Variants in PCDHGB3 observed in about 807,000 individuals in gnomAD.
The protein encoded by PCDHGB3 is protocadherin gamma-B3.
In PCDHGB3, 40 loss-of-function variants were observed where a neutral mutation model predicts 59.2. The observed-to-expected ratio is 0.68, with a 90% CI of 0.52 to 0.88. The LOEUF is 0.88. Among genes scored for constraint, PCDHGB3 ranks in the 40% least tolerant of loss-of-function variants. PCDHGB3 has a pLI of 0.00. For synonymous variants in PCDHGB3, 581 were observed against 503.6 expected (o/e 1.15, Z -2.06); for missense variants, 1,309 against 1,187.9 (o/e 1.10, Z -1.50).
chr5:141,478,135 C>T (rs1307702473), intron 1 of PCDHGB3: 7 of 1,613,970 alleles, frequency 4.3e-6, no homozygotes, highest in African/African-American at 1.3e-5. Flanking sequence ...CTCCTGAAGC[C>T]CGAGCCGAGT....
intron 1 of PCDHGB3, chr5:141,385,141 G>T (rs1183220869): frequency 1.9e-6 from 3 of 1,614,202 alleles, no homozygotes; most frequent in Non-Finnish European, 2.5e-6. Context: ...CGGGGTGCAG[G>T]CTTTCCTGCA....
chr5:141,388,511 C>G, intron 1 of PCDHGB3: 1 of 1,613,868 alleles, frequency 6.2e-7, no homozygotes, highest in Non-Finnish European at 8.5e-7. Context: ...AATCCTACCA[C>G]TTGACTTTGA....
At position 141,395,103 on chromosome 5, in the gene PCDHGB3, C is replaced by T. The variant is rs1462569715; in HGVS notation, c.2415+22294C>T. 9 of 1,614,156 alleles carry T rather than the reference C, an allele frequency of 5.6e-6. No homozygotes were observed. The highest frequency in any genetic ancestry group is 1.1e-5 in the South Asian group (1 of 91,074). On this transcript the variant is annotated intron_variant, in intron 1 of 3. Transcript: ENST00000576222. ...GGAAGTCTCCCTCACCGCCGACTCG[C>T]GGAAGAGTCACCTGATCTTTCCCCA... is the stretch of plus-strand genomic sequence containing the variant.
At chr5:141,460,122 G>A (rs530307574) in intron 1 of PCDHGB3, among the ~76,000 whole-genome samples, 2 of 151,928 alleles carry the variant, frequency 1.3e-5, no homozygotes, top group African/African-American at 4.8e-5. Flanking sequence ...TTTTATATAT[G>A]TAATATATAT....
At chr5:141,409,201 AATC>A (rs1377420843) in intron 1 of PCDHGB3, 1 of 1,614,044 alleles carries the variant, frequency 6.2e-7, no homozygotes, top group Non-Finnish European at 8.5e-7. Context: ...AGTGTAAAGT[AATC>A]ATAGAAATCC....
intron 1 of PCDHGB3, among the ~76,000 whole-genome samples, chr5:141,381,944 C>G (rs1777787484): frequency 6.7e-6 from 1 of 149,738 alleles, no homozygotes; most frequent in African/African-American, 2.5e-5. Context: ...ATTTTCCTGC[C>G]TCAGCCTCCT....
chr5:141,472,852 G>A (rs1354948628), intron 1 of PCDHGB3, among the ~76,000 whole-genome samples: 1 of 151,160 alleles, frequency 6.6e-6, no homozygotes, highest in African/African-American at 2.4e-5. Flanking sequence ...TGGGCATGGT[G>A]GCACATGCCT....
At position 141,502,487 on chromosome 5, in the gene PCDHGB3, C is replaced by T. The variant is rs563658817; in HGVS notation, c.2475-2906C>T. ...TACTTCCCGCAGCATCACACTGGGACTCATCTAACGTCGGCCTGTCCCACT... is the reference window on the plus strand; with the variant it reads ...TACTTCCCGCAGCATCACACTGGGATTCATCTAACGTCGGCCTGTCCCACT... On this transcript the variant is annotated intron_variant, in intron 2 of 3. Coordinates refer to ENST00000576222, the MANE Select transcript of PCDHGB3 (RefSeq NM_018924.5). Among the ~76,000 whole-genome samples, 92 of 152,298 alleles carry T rather than the reference C, an allele frequency of 6.0e-4. 3 individuals are homozygous for T. The highest frequency in any genetic ancestry group is 1.5e-4 in the Non-Finnish European group (10 of 68,030).
intron 1 of PCDHGB3, chr5:141,410,044 C>G: frequency 6.2e-7 from 1 of 1,613,184 alleles, no homozygotes; most frequent in Non-Finnish European, 8.5e-7. Flanking sequence ...CCAGTGAGCC[C>G]GGACTCTTCA....
At position 141,477,532 on chromosome 5, in the gene PCDHGB3, CG is replaced by C; in HGVS notation, c.2416-17271del. 6.2e-7 allele frequency: 1 copy of C among 1,614,146 alleles called. No individual in the cohort carries two copies. The highest frequency in any genetic ancestry group is 8.5e-7 in the Non-Finnish European group (1 of 1,180,028). Reference sequence around the variant, plus strand: ...TTTACATTGAAGAAAACAACCTCCCCGGGGCTCCAATACTAAACCTAAGTGT... The same window carrying C: ...TTTACATTGAAGAAAACAACCTCCCCGGGCTCCAATACTAAACCTAAGTGT... On this transcript the variant is annotated intron_variant, in intron 1 of 3. Transcript: ENST00000576222. This position sits in a 1 kb window ranked among gnomAD's most constrained non-coding sequence, Gnocchi z 4.9.
In PCDHGB3 at chr5:141,431,771, C is replaced by G. The variant is rs1175712662; in HGVS notation, c.2415+58962C>G. 1.2e-6 allele frequency: 2 copies of G among 1,614,214 alleles called. No homozygotes were observed. Among genetic ancestry groups the G allele is most frequent in the Non-Finnish European group, 8.5e-7 (1 of 1,180,034 alleles). The stretch of plus-strand genomic sequence containing the variant: ...GCGAGCCAAAGTCCTGATCACTGTT[C>G]TGGACGTGAACGACAATGCCCCAGA... On this transcript the variant is annotated intron_variant, in intron 1 of 3. Coordinates refer to ENST00000576222, the MANE Select transcript of PCDHGB3 (RefSeq NM_018924.5). The surrounding 1 kb of genome is among the most constrained non-coding windows in gnomAD (Gnocchi z 4.8).
rs561569572 is a variant in PCDHGB3, at chr5:141,512,054, C to A, written c.*881C>A. 6.5e-6 allele frequency: 1 copy of A among 152,828 alleles called. No individual in the cohort carries two copies. The highest frequency in any genetic ancestry group is 1.9e-4 in the East Asian group (1 of 5,184). The allele number at this position is 152,828 out of a possible 1,614,324, so 9.5% of individuals were successfully genotyped here. On this transcript the variant is annotated 3_prime_UTR_variant, in exon 4 of 4. Coordinates refer to ENST00000576222, the MANE Select transcript of PCDHGB3 (RefSeq NM_018924.5). Reference sequence around the variant, plus strand: ...GGAGGCTCTGTATGTCCTCAGGGGACTGACAACATCCTCCAGATTCCAGCC... The same window carrying A: ...GGAGGCTCTGTATGTCCTCAGGGGAATGACAACATCCTCCAGATTCCAGCC...
chr5:141,502,524 C>T (rs959562458), intron 2 of PCDHGB3, among the ~76,000 whole-genome samples: 3 of 151,910 alleles, frequency 2.0e-5, no homozygotes, highest in East Asian at 1.9e-4. Flanking sequence ...TCAGTGATGC[C>T]GAGTTTGTTC....
chr5:141,431,726 G>C lies in PCDHGB3; in HGVS notation c.2415+58917G>C. On this transcript the variant is annotated intron_variant, in intron 1 of 3. Coordinates refer to ENST00000576222, the MANE Select transcript of PCDHGB3 (RefSeq NM_018924.5). The surrounding 1 kb of genome is among the most constrained non-coding windows in gnomAD (Gnocchi z 4.8). ...CTACCAGATGGAAGTGCAAGCAATG[G>C]ATAATGCAGGATATTCTGCGCGAGC... The C allele has an allele frequency of 6.2e-7, 1 of 1,614,204 alleles. No homozygotes were observed. Among genetic ancestry groups the C allele is most frequent in the Non-Finnish European group, 8.5e-7 (1 of 1,180,032 alleles).
At chr5:141,399,048 G>T (rs779434482) in intron 1 of PCDHGB3, 1 of 1,613,830 alleles carries the variant, frequency 6.2e-7, no homozygotes, top group East Asian at 2.2e-5. Context: ...ATTTTGAAGA[G>T]ACCAAGGAAT....
chr5:141,421,831 G>C lies in PCDHGB3; in HGVS notation c.2415+49022G>C, dbSNP rs201283981. ...AGAGCTAGTACTGGAGGGAAGCCTG[G>C]ACCGAGAGAAAGAGGCTGCTCACCT... On this transcript the variant is annotated intron_variant, in intron 1 of 3. Transcript: ENST00000576222. 68 of 1,613,784 alleles carry C rather than the reference G, an allele frequency of 4.2e-5. 1 individual carries two copies. The East Asian group carries it at 1.4e-3, about 33-fold the overall frequency.
chr5:141,500,680 T>C (rs999167635), intron 2 of PCDHGB3, among the ~76,000 whole-genome samples: 7 of 152,224 alleles, frequency 4.6e-5, no homozygotes, highest in Non-Finnish European at 7.3e-5. Context: ...AACAGAATTA[T>C]AGCTTTTTTC....
chr5:141,496,251 G>A (rs746722054), intron 2 of PCDHGB3, among the ~76,000 whole-genome samples: 7 of 152,150 alleles, frequency 4.6e-5, no homozygotes, highest in African/African-American at 7.2e-5. Context: ...TGAAGGGGAG[G>A]GAAACTTCAG....
Position 141,371,524 on chromosome 5 carries a change from G to T in PCDHGB3, c.1130G>T (p.Gly377Val). Reference protein sequence around the residue: ...ALIKTHDLDSGFNGEILCQLK... With the variant: ...ALIKTHDLDSVFNGEILCQLK... ...ATCAAAACACATGATCTAGATTCTG[G>T]ATTTAATGGAGAAATCCTATGCCAA... The change falls in exon 1 of 4, where the codon GGA becomes GTA. Residue 377 changes from glycine to valine, a missense_variant. Transcript: ENST00000576222. 6.2e-7 allele frequency: 1 copy of T among 1,613,756 alleles called. No individual in the cohort carries two copies. The highest frequency in any genetic ancestry group is 8.5e-7 in the Non-Finnish European group (1 of 1,179,762).
Sources: gnomAD v4.1 joint callset for allele counts (sites outside exome capture counted in the v4.1 genomes callset) on GRCh38, gnomAD v4.1.1 for gene constraint, Gnocchi (gnomAD v3.1) non-coding constraint, MANE v1.5 for transcripts, NCBI Gene and HGNC (gene_info 2026-07-23, HGNC 2026-07-21) for gene names.